RPL19: variants seen among roughly 807,000 people sequenced by gnomAD.
The protein encoded by RPL19 is ribosomal protein L19, also known as large ribosomal subunit protein eL19.
Under a neutral mutation model 25.1 loss-of-function variants are expected in RPL19, and 2 were observed. That is an observed-to-expected ratio of 0.08 (90% CI 0.03 to 0.25). The LOEUF (loss-of-function observed/expected upper bound fraction) is 0.25, where lower values mean the gene tolerates loss of function less well. Among genes scored for constraint, RPL19 ranks in the 10% least tolerant of loss-of-function variants. The probability of loss-of-function intolerance (pLI) is 1.00; values close to 1 mark genes in which losing one functional copy is unlikely to be tolerated. For missense variants in RPL19, 123 were observed against 271.8 expected (o/e 0.45, Z 3.85); for synonymous variants, 89 against 91.2 (o/e 0.98, Z 0.14).
In RPL19 at chr17:39,201,201, C is replaced by T. The variant is rs543589475; in HGVS notation, c.6-12C>T. 2.6e-5 allele frequency: 41 copies of T among 1,576,586 alleles called. 1 individual carries two copies. In the South Asian group the frequency reaches 3.5e-4, roughly 13 times the overall value. On this transcript the variant is annotated splice_polypyrimidine_tract_variant and intron_variant, in intron 1 of 5. Coordinates refer to ENST00000225430, the MANE Select transcript of RPL19 (RefSeq NM_000981.4). ...GGCTTTCAGAGTCTAATCATGTTTT[C>T]TGTGTGTCTAGTATGCTCAGGCTTC...
intron 4 of RPL19, 118 bp from the exon 5 acceptor site, chr17:39,203,959 A>G: frequency 1.6e-6 from 1 of 632,262 alleles, no homozygotes; most frequent in South Asian, 1.9e-5. Flanking sequence ...TAATTCATGC[A>G]GCAATAGGAG....
intron 1 of RPL19, among the ~76,000 whole-genome samples, chr17:39,200,894 G>A (rs1250774970): frequency 6.6e-6 from 1 of 152,138 alleles, no homozygotes; most frequent in African/African-American, 2.4e-5. Context: ...CTAGAAATCA[G>A]GTCTACTCAC....
At chr17:39,200,520 G>A in intron 1 of RPL19, 171 bp downstream of exon 1, 1 of 1,299,696 alleles carries the variant, frequency 7.7e-7, no homozygotes, top group Non-Finnish European at 9.8e-7. Flanking sequence ...GGAGTGAGGG[G>A]GGGCGGGGAG....
intron 1 of RPL19, 86 bp from the exon 2 acceptor site, chr17:39,201,127 G>C (rs1019841405): frequency 2.4e-6 from 2 of 844,956 alleles, no homozygotes; most frequent in African/African-American, 3.4e-5. Flanking sequence ...CTGTGGTGTG[G>C]GTCACAAAGG....
Position 39,202,981 on chromosome 17 carries a change from C to G in RPL19, c.236-8C>G, listed in dbSNP as rs747340704. 6.0e-5 allele frequency: 97 copies of G among 1,613,690 alleles called. 1 individual carries two copies. The highest frequency in any genetic ancestry group is 1.8e-4 in the South Asian group (16 of 91,076). On this transcript the variant is annotated splice_polypyrimidine_tract_variant and splice_region_variant and intron_variant, in intron 3 of 5. Coordinates refer to ENST00000225430, the MANE Select transcript of RPL19 (RefSeq NM_000981.4). ...TAGTGGCCCGTTCCTAACTCATCTT[C>G]TCCACAGGTAAGCGGAAGGGTACAG...
chr17:39,200,644 C>A, intron 1 of RPL19: 1 of 1,171,318 alleles, frequency 8.5e-7, no homozygotes, highest in South Asian at 3.3e-5. Context: ...AAGCCGTGGG[C>A]CCTTTCTTGC....
At chr17:39,204,036 C>A in intron 4 of RPL19, 41 bp from the exon 5 acceptor site, 1 of 1,133,626 alleles carries the variant, frequency 8.8e-7, no homozygotes, top group South Asian at 1.2e-5. Context: ...AGCCTCTGAT[C>A]CATCACCAAC....
intron 1 of RPL19, chr17:39,200,572 T>G (rs996094428): frequency 2.3e-6 from 3 of 1,287,092 alleles, no homozygotes; most frequent in Non-Finnish European, 3.0e-6. Flanking sequence ...CCCCGGCTGG[T>G]GCCGCACCGC....
In RPL19 at chr17:39,204,594, C is replaced by G. The variant is rs771955273; in HGVS notation, c.537C>G (p.Ala179=). The G allele has an allele frequency of 5.0e-6, 8 of 1,613,838 alleles. No individual in the cohort carries two copies. The African/African-American group carries it at 9.3e-5, about 19-fold the overall frequency. ...ARKRREERLQ[A]KKEEIIKTLS... Reference sequence around the variant, plus strand: ...AGCGCCGTGAAGAGCGCCTCCAGGCCAAGAAGGAGGAGATCATCAAGACTT... The same window carrying G: ...AGCGCCGTGAAGAGCGCCTCCAGGCGAAGAAGGAGGAGATCATCAAGACTT... The change falls in exon 6 of 6, where the codon GCC becomes GCG. Residue 179 remains alanine (A), a synonymous_variant. Coordinates refer to ENST00000225430, the MANE Select transcript of RPL19 (RefSeq NM_000981.4).
In RPL19 at chr17:39,204,045, A is replaced by G. The variant is rs535986808; in HGVS notation, c.357-32A>G. The G allele has an allele frequency of 4.7e-6, 6 of 1,272,352 alleles. No homozygotes were observed. The South Asian group carries it at 4.8e-5, about 10-fold the overall frequency. The allele number at this position is 1,272,352 out of a possible 1,614,324, so 78.8% of individuals were successfully genotyped here. On this transcript the variant is annotated intron_variant, in intron 4 of 5. Transcript: ENST00000225430. ...CAAGGCAGCCTCTGATCCATCACCA[A>G]CCAGCATCTCTTCACTCCGTGTACC...
intron 5 of RPL19, 25 bp from the exon 6 acceptor site, chr17:39,204,499 AC>A (rs757471764): frequency 1.2e-6 from 2 of 1,613,270 alleles, no homozygotes; most frequent in South Asian, 1.1e-5. Context: ...TCCCAAACTG[AC>A]CCGTCTTTTC....
intron 4 of RPL19, among the ~76,000 whole-genome samples, chr17:39,203,515 G>C (rs2046304820): frequency 7.1e-6 from 1 of 141,110 alleles, no homozygotes; most frequent in Non-Finnish European, 1.5e-5. Context: ...TGGGTAGGGA[G>C]CTTTTTTTTT....
intron 2 of RPL19, 80 bp downstream of exon 2, chr17:39,201,399 A>AT: frequency 1.3e-6 from 1 of 781,238 alleles, no homozygotes; most frequent in East Asian, 2.8e-5. Context: ...AATTGTGTTG[A>AT]CTTTTTTTTT....
Position 39,201,109 on chromosome 17 carries a change from T to C in RPL19, c.6-104T>C, listed in dbSNP as rs572303498. ...AAAGATGATTTAGGGAAGAGTCTTA[T>C]TTCGCGGCTGTGGTGTGGGTCACAA... On this transcript the variant is annotated intron_variant, in intron 1 of 5. Transcript: ENST00000225430. 1.6e-4 allele frequency: 119 copies of C among 765,610 alleles called. 1 individual carries two copies. Among genetic ancestry groups the C allele is most frequent in the South Asian group, 6.6e-4 (41 of 61,718 alleles). 47.4% of individuals were successfully genotyped at this position (765,610 alleles called of 1,614,324 possible). A position where few individuals can be genotyped will look rare whatever the true frequency, so the allele number is the denominator to read the frequency against.
At position 39,201,748 on chromosome 17, in the gene RPL19, C is replaced by A. The variant is rs1034760219; in HGVS notation, c.112+429C>A. Among the ~76,000 whole-genome samples, 9 of 151,858 alleles carry A rather than the reference C, an allele frequency of 5.9e-5. No individual in the cohort carries two copies. The East Asian group carries it at 1.5e-3, about 26-fold the overall frequency. ...CACCACACCCAGCTAATTTTTGTAT[C>A]TTTAGTAGAGATGGGGTTTCATCAT... is the stretch of plus-strand genomic sequence containing the variant. On this transcript the variant is annotated intron_variant, in intron 2 of 5. Coordinates refer to ENST00000225430, the MANE Select transcript of RPL19 (RefSeq NM_000981.4).
chr17:39,204,066 G>C lies in RPL19; in HGVS notation c.357-11G>C, dbSNP rs1597726820. 1 of 1,515,812 alleles carries C rather than the reference G, an allele frequency of 6.6e-7. No homozygotes were observed. Among genetic ancestry groups the C allele is most frequent in the South Asian group, 1.1e-5 (1 of 89,024 alleles). 93.9% of individuals were successfully genotyped at this position (1,515,812 alleles called of 1,614,324 possible). ...ACCAACCAGCATCTCTTCACTCCGT[G>C]TACCCTGCAGGTATCACAGCCTGTA... On this transcript the variant is annotated splice_polypyrimidine_tract_variant and intron_variant, in intron 4 of 5. Transcript: ENST00000225430.
intron 4 of RPL19, 31 bp from the exon 5 acceptor site, chr17:39,204,046 C>T: frequency 1.6e-6 from 2 of 1,280,584 alleles, no homozygotes; most frequent in Non-Finnish European, 2.3e-6. Context: ...CCATCACCAA[C>T]CAGCATCTCT....
At chr17:39,204,413 A>G (rs997986443) in intron 5 of RPL19, 112 bp from the exon 6 acceptor site, 10 of 1,353,214 alleles carry the variant, frequency 7.4e-6, no homozygotes, top group South Asian at 5.2e-5. Flanking sequence ...GGGCCCAGCA[A>G]CTCATTCCAG....
intron 3 of RPL19, 39 bp from the exon 4 acceptor site, chr17:39,202,950 C>T (rs2046300834): frequency 6.2e-7 from 1 of 1,612,658 alleles, no homozygotes; most frequent in South Asian, 1.1e-5. Context: ...ACACAGTGGG[C>T]CTGGGTAGTG....
Sources: gnomAD v4.1 joint callset for allele counts (sites outside exome capture counted in the v4.1 genomes callset) on GRCh38, gnomAD v4.1.1 for gene constraint, MANE v1.5 for transcripts, NCBI Gene and HGNC (gene_info 2026-07-23, HGNC 2026-07-21) for gene names.